PPP1R12B: variants seen among roughly 807,000 people sequenced by gnomAD.
PPP1R12B encodes the protein protein phosphatase 1 regulatory subunit 12B, also known as myosin phosphatase target subunit 2.
In PPP1R12B, 76 loss-of-function variants were observed where a neutral mutation model predicts 126.1. The observed-to-expected ratio is 0.60, with a 90% CI of 0.50 to 0.73. The LOEUF (loss-of-function observed/expected upper bound fraction) is 0.73, where lower values mean the gene tolerates loss of function less well. PPP1R12B is among the 30% of genes least tolerant of loss of function. PPP1R12B has a pLI of 0.00. For synonymous variants in PPP1R12B, 356 were observed against 434.7 expected (o/e 0.82, Z 2.25); for missense variants, 1,052 against 1,205.1 (o/e 0.87, Z 1.88).
chr1:202,487,709 G>A (rs1345588600), intron 13 of PPP1R12B, among the ~76,000 whole-genome samples: 1 of 151,900 alleles, frequency 6.6e-6, no homozygotes, highest in African/African-American at 2.4e-5. Flanking sequence ...CCAAGTTAAA[G>A]TGATTCTCTT....
chr1:202,377,844 T>G (rs1383944839), intron 1 of PPP1R12B, among the ~76,000 whole-genome samples: 1 of 136,598 alleles, frequency 7.3e-6, no homozygotes, highest in African/African-American at 2.9e-5. Flanking sequence ...TTTTTTTTTT[T>G]TTTTTTTTTT....
At chr1:202,518,248 A>G (rs1472147075) in intron 18 of PPP1R12B, among the ~76,000 whole-genome samples, 1 of 152,222 alleles carries the variant, frequency 6.6e-6, no homozygotes, top group Non-Finnish European at 1.5e-5. Context: ...AGTACCTACT[A>G]TATGGAAGGC....
intron 18 of PPP1R12B, among the ~76,000 whole-genome samples, chr1:202,554,538 T>A (rs987731881): frequency 1.3e-5 from 2 of 151,690 alleles, no homozygotes; most frequent in African/African-American, 4.8e-5. Context: ...CAATAATATT[T>A]AAAAAAATAA....
intron 14 of PPP1R12B, among the ~76,000 whole-genome samples, chr1:202,490,425 A>C (rs1046387386): frequency 3.3e-5 from 5 of 152,194 alleles, no homozygotes; most frequent in African/African-American, 1.2e-4. Context: ...CTCCATTAGA[A>C]TGTAACCCCC....
At position 202,396,074 on chromosome 1, in the gene PPP1R12B, A is replaced by G. The variant is rs116201749; in HGVS notation, c.292-20713A>G. Among the ~76,000 whole-genome samples, 921 of 152,184 alleles carry G rather than the reference A, an allele frequency of 6.1e-3. 8 individuals carry two copies. Among genetic ancestry groups the G allele is most frequent in the African/African-American group, 0.021 (884 of 41,518 alleles). On this transcript the variant is annotated intron_variant, in intron 1 of 23. Coordinates refer to ENST00000608999, the MANE Select transcript of PPP1R12B (RefSeq NM_002481.4). ...CTTCCTCCCTTTTTCTGAACAGTCG[A>G]TACCACCTCCTACTGCTTTGCTTCC...
chr1:202,506,486 T>C (rs998454161), intron 18 of PPP1R12B, among the ~76,000 whole-genome samples: 9 of 152,230 alleles, frequency 5.9e-5, no homozygotes, highest in Non-Finnish European at 1.3e-4. Context: ...CATCAGTGAA[T>C]TCTGCTTTAA....
chr1:202,535,440 A>G (rs1684438624), intron 18 of PPP1R12B, among the ~76,000 whole-genome samples: 1 of 152,170 alleles, frequency 6.6e-6, no homozygotes, highest in African/African-American at 2.4e-5. Context: ...AGTTGAGTCA[A>G]TGAGAGTCGA....
At chr1:202,506,184 G>A (rs2148884158) in intron 18 of PPP1R12B, among the ~76,000 whole-genome samples, 1 of 152,342 alleles carries the variant, frequency 6.6e-6, no homozygotes, top group Non-Finnish European at 1.5e-5. Flanking sequence ...ATCTTCTCTA[G>A]TGGTTGACTC....
chr1:202,442,548 C>A lies in PPP1R12B; in HGVS notation c.1643C>A (p.Thr548Asn). The change falls in exon 12 of 24, where the codon ACC (threonine) becomes AAC (asparagine). Residue 548 changes from threonine to asparagine, a missense_variant. Transcript: ENST00000608999. Reference protein sequence around the residue: ...NEIPQTIAPSTYVSTYLKRTP... With the variant: ...NEIPQTIAPSNYVSTYLKRTP... ...ATCCCACAGACAATTGCTCCCTCCA[C>A]CTATGTATCAACTTACTTGAAAAGG... 1 of 1,612,978 alleles carries A rather than the reference C, an allele frequency of 6.2e-7. No individual in the cohort carries two copies. The highest frequency in any genetic ancestry group is 8.5e-7 in the Non-Finnish European group (1 of 1,179,628).
intron 13 of PPP1R12B, among the ~76,000 whole-genome samples, chr1:202,452,795 C>T (rs1185491207): frequency 2.0e-5 from 3 of 150,130 alleles, no homozygotes; most frequent in African/African-American, 7.3e-5. Context: ...TCTTCCTTTC[C>T]AATTTGTATG....
intron 1 of PPP1R12B, among the ~76,000 whole-genome samples, chr1:202,405,316 CTTAAA>C (rs1264573982): frequency 2.6e-5 from 4 of 152,152 alleles, no homozygotes; most frequent in Non-Finnish European, 5.9e-5. Context: ...CTAATCCTAA[CTTAAA>C]TTAACTTTTA....
Position 202,583,802 on chromosome 1 carries a change from C to G in PPP1R12B, c.*3242C>G, listed in dbSNP as rs1157644068. On this transcript the variant is annotated 3_prime_UTR_variant, in exon 24 of 24. Coordinates refer to ENST00000608999, the MANE Select transcript of PPP1R12B (RefSeq NM_002481.4). ...CAGGCAGCTCAAGCTGAATAAATAG[C>G]TGCAGACATGGCCAACAACATGGGG... 6.6e-6 allele frequency: 1 copy of G among 152,232 alleles called. No homozygotes were observed. Among genetic ancestry groups the G allele is most frequent in the African/African-American group, 2.4e-5 (1 of 41,458 alleles). The allele number at this position is 152,232 out of a possible 1,614,324, so 9.4% of individuals were successfully genotyped here.
At chr1:202,470,171 G>A (rs1675646052) in intron 13 of PPP1R12B, among the ~76,000 whole-genome samples, 1 of 152,170 alleles carries the variant, frequency 6.6e-6, no homozygotes, top group Non-Finnish European at 1.5e-5. Context: ...TTCTTTTCCT[G>A]ATTGCCTACT....
chr1:202,411,326 G>A (rs942818206), intron 1 of PPP1R12B, among the ~76,000 whole-genome samples: 1 of 149,998 alleles, frequency 6.7e-6, no homozygotes, highest in African/African-American at 2.4e-5. Flanking sequence ...TCATGAGAGT[G>A]TCCTACAACT....
intron 17 of PPP1R12B, among the ~76,000 whole-genome samples, chr1:202,496,395 T>A (rs2148860261): frequency 6.6e-6 from 1 of 152,356 alleles, no homozygotes; most frequent in East Asian, 1.9e-4. Context: ...TTGGACACAC[T>A]TTATTCAGTG....
chr1:202,354,805 G>A (rs1474786607), intron 1 of PPP1R12B, among the ~76,000 whole-genome samples: 1 of 149,766 alleles, frequency 6.7e-6, no homozygotes, highest in Non-Finnish European at 1.5e-5. Flanking sequence ...GTGACACCAC[G>A]CCTGGCTAAT....
intron 1 of PPP1R12B, among the ~76,000 whole-genome samples, chr1:202,360,901 T>A (rs1026390534): frequency 2.0e-5 from 3 of 151,002 alleles, no homozygotes; most frequent in Non-Finnish European, 4.4e-5. Flanking sequence ...TCTTTTTTTT[T>A]TTTTTTTGAG....
rs1017016424 is a variant in PPP1R12B at position 202,582,006 on chromosome 1, G to C, written c.*1446G>C. On this transcript the variant is annotated 3_prime_UTR_variant, in exon 24 of 24. Transcript: ENST00000608999. ...CATGGGCATGGTCAGGTAGCCTCTG[G>C]TGGCTATGCATTTATTACTCAAAAG... 3 of 152,162 alleles carry C rather than the reference G, an allele frequency of 2.0e-5. No individual in the cohort carries two copies. The highest frequency in any genetic ancestry group is 7.2e-5 in the African/African-American group (3 of 41,442). 9.4% of individuals were successfully genotyped at this position (152,162 alleles called of 1,614,324 possible). A position where few individuals can be genotyped will look rare whatever the true frequency, so the allele number is the denominator to read the frequency against.
chr1:202,491,266 A>G (rs1678851217), intron 14 of PPP1R12B, among the ~76,000 whole-genome samples: 1 of 152,108 alleles, frequency 6.6e-6, no homozygotes, highest in South Asian at 2.1e-4. Flanking sequence ...CTCCTGCCTC[A>G]GCTTCCCAGG....
Sources: allele counts gnomAD v4.1 joint callset (sites outside exome capture counted in the v4.1 genomes callset), GRCh38; gene constraint gnomAD v4.1.1; transcripts MANE v1.5; gene names NCBI Gene and HGNC (gene_info 2026-07-23, HGNC 2026-07-21).